The following INO80D variants were observed in gnomAD, a reference collection of about 807,000 sequenced individuals.
The protein encoded by INO80D is INO80 complex subunit D.
A neutral mutation model predicts 87.6 loss-of-function variants in INO80D; 21 were observed. The observed-to-expected ratio is 0.24, with a 90% CI of 0.17 to 0.35. The LOEUF is 0.35. Among genes scored for constraint, INO80D ranks in the 10% least tolerant of loss-of-function variants. The pLI is 1.00. For missense variants in INO80D, 982 were observed against 1,280.7 expected (o/e 0.77, Z 3.56); for synonymous variants, 440 against 491.0 (o/e 0.90, Z 1.37).
At position 206,004,805 on chromosome 2, in the gene INO80D, C is replaced by T. The variant is rs749907128; in HGVS notation, c.2647G>A (p.Val883Met). ...CCCCAGTGAGTTCTGGGGTTTACCA[C>T]GCCTCCAAGTGGCACCTCAAGTTGG... ...PTQLEVPLGG[V>M]VNPRTHWGNL... Residue 883 changes from valine (V) to methionine (M), a missense_variant, in exon 11 of 11, where the codon GTG becomes ATG. Physicochemically the swap from Val to Met is conservative, Grantham distance 21. Coordinates refer to ENST00000403263, the MANE Select transcript of INO80D (RefSeq NM_017759.5). The surrounding 1 kb of genome is among the most constrained non-coding windows in gnomAD (Gnocchi z 4.9). 1.1e-5 allele frequency: 17 copies of T among 1,613,880 alleles called. 1 individual carries two copies. The African/African-American group carries it at 1.3e-4, about 13-fold the overall frequency.
At chr2:206,037,114 T>C (rs1035025332) in intron 5 of INO80D, among the ~76,000 whole-genome samples, 12 of 152,178 alleles carry the variant, frequency 7.9e-5, no homozygotes, top group African/African-American at 2.9e-4. Flanking sequence ...CTTCTTTCTT[T>C]CCATATCTGT....
chr2:206,008,442 G>A (rs1371294690), intron 9 of INO80D, among the ~76,000 whole-genome samples: 6 of 150,506 alleles, frequency 4.0e-5, no homozygotes, highest in Admixed American at 1.3e-4. Context: ...CACCACACCC[G>A]GCTAATTTTT....
chr2:206,030,127 T>C (rs1688721974), intron 5 of INO80D, among the ~76,000 whole-genome samples: 1 of 152,038 alleles, frequency 6.6e-6, no homozygotes, highest in Admixed American at 6.5e-5. Flanking sequence ...CAGAAAACAG[T>C]AAAGTACCAC....
intron 5 of INO80D, chr2:206,040,676 C>G (rs541430525): frequency 3.7e-4 from 84 of 228,584 alleles, no homozygotes; most frequent in African/African-American, 1.9e-3. Flanking sequence ...AATCATCTTA[C>G]GCCTACAGTG....
chr2:206,078,290 G>A (rs535947814), intron 1 of INO80D, among the ~76,000 whole-genome samples: 84 of 152,054 alleles, frequency 5.5e-4, no homozygotes, highest in African/African-American at 1.8e-3. Flanking sequence ...GGTGGCACGC[G>A]CCTGTAGTCC....
chr2:206,005,211 G>T lies in INO80D; in HGVS notation c.2241C>A (p.Pro747=). ...RSATLSNPPT[P]LAGQIQGQFS... is the part of the protein sequence containing the mutation. Reference sequence around the variant, plus strand: ...ACTGCCCCTGGATCTGCCCTGCCAGGGGTGTAGGTGGGTTTGACAAGGTAG... The same window carrying T: ...ACTGCCCCTGGATCTGCCCTGCCAGTGGTGTAGGTGGGTTTGACAAGGTAG... Residue 747 remains proline, a synonymous_variant, in exon 11 of 11, where the codon CCC becomes CCA. Transcript: ENST00000403263. 6.2e-7 allele frequency: 1 copy of T among 1,614,002 alleles called. No individual in the cohort carries two copies. The highest frequency in any genetic ancestry group is 8.5e-7 in the Non-Finnish European group (1 of 1,179,874).
intron 1 of INO80D, among the ~76,000 whole-genome samples, chr2:206,066,417 T>C (rs1052601083): frequency 2.0e-5 from 3 of 152,122 alleles, no homozygotes; most frequent in African/African-American, 7.2e-5. Flanking sequence ...ATACCCAAGA[T>C]ATGGAATCAA....
intron 5 of INO80D, among the ~76,000 whole-genome samples, chr2:206,038,060 T>C (rs1688937647): frequency 6.6e-6 from 1 of 152,108 alleles, no homozygotes; most frequent in Non-Finnish European, 1.5e-5. Context: ...AATGGAGTGA[T>C]AGACGATGAA....
At chr2:206,079,937 G>A (rs1690228439) in intron 1 of INO80D, among the ~76,000 whole-genome samples, 1 of 152,130 alleles carries the variant, frequency 6.6e-6, no homozygotes, top group African/African-American at 2.4e-5. Context: ...CACACCTTAT[G>A]GAATGCCGAA....
At chr2:206,050,763 T>C (rs1476959912) in intron 4 of INO80D, among the ~76,000 whole-genome samples, 1 of 151,958 alleles carries the variant, frequency 6.6e-6, no homozygotes, top group Non-Finnish European at 1.5e-5. Flanking sequence ...GGTCAGGAGA[T>C]TGAGACCATC....
chr2:206,006,682 C>CA (rs141777082), intron 10 of INO80D, among the ~76,000 whole-genome samples: 5,984 of 96,970 alleles, frequency 0.062, 210 homozygotes, highest in African/African-American at 0.12. Context: ...GACTCCATCT[C>CA]AAAAAAAAAA....
rs1387533326 is a variant in INO80D at position 206,062,271 on chromosome 2, T to C, written c.218+528A>G. On this transcript the variant is annotated intron_variant, in intron 3 of 10. Transcript: ENST00000403263. The surrounding 1 kb of genome is among the most constrained non-coding windows in gnomAD (Gnocchi z 4.6). ...AAGTCTGATAGGAAATAAATCTAAC[T>C]GATTCAAGTAGTTTTTTAAAATTTT... Among the ~76,000 whole-genome samples the C allele has an allele frequency of 6.6e-6, 1 of 152,184 alleles. No individual in the cohort carries two copies. Among genetic ancestry groups the C allele is most frequent in the African/African-American group, 2.4e-5 (1 of 41,460 alleles).
At position 206,044,894 on chromosome 2, in the gene INO80D, A is replaced by G. The variant is rs530964060; in HGVS notation, c.1073+1610T>C. On this transcript the variant is annotated intron_variant, in intron 5 of 10. Transcript: ENST00000403263. ...TTAGGAAGTATGACTGATGGTATCT[A>G]TAACTAAAAAGCTTAAGCTCAATTG... Among the ~76,000 whole-genome samples the G allele has an allele frequency of 8.8e-4, 134 of 152,242 alleles. 1 individual carries two copies. Among genetic ancestry groups the G allele is most frequent in the African/African-American group, 2.9e-3 (122 of 41,472 alleles).
chr2:206,024,778 C>T (rs115796127), intron 6 of INO80D, among the ~76,000 whole-genome samples: 9,038 of 151,642 alleles, frequency 0.06, 352 homozygotes, highest in East Asian at 0.14. Context: ...TTGTTTGAGA[C>T]GGAGTCTCAC....
intron 6 of INO80D, among the ~76,000 whole-genome samples, chr2:206,026,949 A>G (rs1688631084): frequency 6.6e-6 from 1 of 152,176 alleles, no homozygotes; most frequent in Non-Finnish European, 1.5e-5. Flanking sequence ...TTGAGGGAAA[A>G]CTAGAAAACT....
At chr2:206,066,445 A>C (rs936852952) in intron 1 of INO80D, among the ~76,000 whole-genome samples, 3 of 152,188 alleles carry the variant, frequency 2.0e-5, no homozygotes, top group African/African-American at 7.2e-5. Flanking sequence ...GTCCCACAAC[A>C]GATGAATGGA....
intron 8 of INO80D, among the ~76,000 whole-genome samples, chr2:206,010,241 T>C (rs185478997): frequency 4.6e-5 from 7 of 152,072 alleles, no homozygotes; most frequent in Admixed American, 3.9e-4. Flanking sequence ...CACATATTCA[T>C]TACTGAAGAA....
intron 1 of INO80D, among the ~76,000 whole-genome samples, chr2:206,080,794 T>G (rs1690257928): frequency 6.7e-6 from 1 of 149,440 alleles, no homozygotes; most frequent in Non-Finnish European, 1.5e-5. Context: ...TCCCAGCTAC[T>G]TGGGAGGCTG....
At chr2:206,060,761 T>C (rs925652335) in intron 3 of INO80D, among the ~76,000 whole-genome samples, 1 of 151,982 alleles carries the variant, frequency 6.6e-6, no homozygotes, top group East Asian at 2.0e-4. Context: ...GGTTTCTCCA[T>C]GTTGGTCAGG....
Sources: gnomAD v4.1 joint callset for allele counts (sites outside exome capture counted in the v4.1 genomes callset) on GRCh38, gnomAD v4.1.1 for gene constraint, Gnocchi (gnomAD v3.1) non-coding constraint, MANE v1.5 for transcripts, NCBI Gene and HGNC (gene_info 2026-07-23, HGNC 2026-07-21) for gene names.